The following HORMAD1 variants were observed in gnomAD, a reference collection of about 807,000 sequenced individuals.
The protein encoded by HORMAD1 is HORMA domain containing 1, also known as HORMA domain-containing protein 1.
A neutral mutation model predicts 58.2 loss-of-function variants in HORMAD1; 33 were observed. The observed-to-expected ratio is 0.57, with a 90% CI of 0.43 to 0.76. HORMAD1 has a LOEUF of 0.76. Among genes scored for constraint, HORMAD1 ranks in the 30% least tolerant of loss-of-function variants. The pLI is 0.00. For missense variants in HORMAD1, 363 were observed against 462.0 expected (o/e 0.79, Z 1.96); for synonymous variants, 137 against 144.6 (o/e 0.95, Z 0.38).
intron 13 of HORMAD1, among the ~76,000 whole-genome samples, chr1:150,702,913 A>G (rs1030088163): frequency 6.6e-6 from 1 of 152,204 alleles, no homozygotes; most frequent in Non-Finnish European, 1.5e-5. Flanking sequence ...ATGAAATTTA[A>G]AAAGAAAAAA....
At chr1:150,711,765 G>A in intron 6 of HORMAD1, 68 bp downstream of exon 6, 1 of 1,074,258 alleles carries the variant, frequency 9.3e-7, no homozygotes, top group Non-Finnish European at 1.4e-6. Flanking sequence ...TAGTTTTAGT[G>A]TCATTTAATT....
intron 1 of HORMAD1, 76 bp from the exon 2 acceptor site, chr1:150,719,614 T>G (rs1448458990): frequency 6.0e-5 from 39 of 646,452 alleles, no homozygotes; most frequent in Middle Eastern, 2.7e-4. Context: ...CATATAAAAT[T>G]CAAAACAATT....
At chr1:150,706,146 G>C (rs966635041) in intron 10 of HORMAD1, among the ~76,000 whole-genome samples, 1 of 152,150 alleles carries the variant, frequency 6.6e-6, no homozygotes, top group African/African-American at 2.4e-5. Context: ...AGGCCCTAGA[G>C]AAATTCAAGC....
At chr1:150,711,906 TC>T in intron 5 of HORMAD1, 53 bp from the exon 6 acceptor site, 1 of 1,141,988 alleles carries the variant, frequency 8.8e-7, no homozygotes, top group Non-Finnish European at 1.3e-6. Flanking sequence ...AAATAATTTT[TC>T]ATTACGAATC....
In HORMAD1 at chr1:150,711,937, T is replaced by C. The variant is rs115591578; in HGVS notation, c.280-84A>G. 6.3e-4 allele frequency: 568 copies of C among 905,218 alleles called. 7 individuals are homozygous for C. The African/African-American group carries it at 8.8e-3, about 14-fold the overall frequency. The allele number at this position is 905,218 out of a possible 1,614,324, so 56.1% of individuals were successfully genotyped here. ...CGAATCATAAGAATTCTTTGTCCTATTTCAACATGTATTCCTAATAACAAA... is the reference window on the plus strand; with the variant it reads ...CGAATCATAAGAATTCTTTGTCCTACTTCAACATGTATTCCTAATAACAAA... On this transcript the variant is annotated intron_variant, in intron 5 of 14. Coordinates refer to ENST00000361824, the MANE Select transcript of HORMAD1 (RefSeq NM_032132.5).
intron 7 of HORMAD1, among the ~76,000 whole-genome samples, chr1:150,709,888 G>A (rs887539164): frequency 2.5e-3 from 381 of 152,148 alleles, no homozygotes; most frequent in South Asian, 8.3e-3. Context: ...TCTGGCTTAC[G>A]TGTACGTCCA....
rs772739050 is a variant in HORMAD1, at chr1:150,708,902, G to A, written c.387C>T (p.Asp129=). 6.9e-7 allele frequency: 1 copy of A among 1,457,488 alleles called. No individual in the cohort carries two copies. The highest frequency in any genetic ancestry group is 2.3e-5 in the East Asian group (1 of 44,074). 90.3% of individuals were successfully genotyped at this position (1,457,488 alleles called of 1,614,324 possible). Residue 129 remains aspartate, a synonymous_variant, in exon 8 of 15, where the codon GAC becomes GAT. Coordinates refer to ENST00000361824, the MANE Select transcript of HORMAD1 (RefSeq NM_032132.5). ...FKYTNNGPLM[D]FISKNQSNES... ...AAACTATAGAACAATACCTTATGAA[G>A]TCCATGAGTGGTCCATTATTGGTGT...
At chr1:150,717,976 C>A (rs996008325) in intron 2 of HORMAD1, among the ~76,000 whole-genome samples, 1 of 152,100 alleles carries the variant, frequency 6.6e-6, no homozygotes, top group African/African-American at 2.4e-5. Context: ...TTATATAATT[C>A]TTCAGATTAT....
At chr1:150,709,960 C>T (rs1191727437) in intron 7 of HORMAD1, among the ~76,000 whole-genome samples, 3 of 152,174 alleles carry the variant, frequency 2.0e-5, no homozygotes, top group African/African-American at 7.2e-5. Context: ...ATGTTTGTTG[C>T]TGACCTTCTC....
In HORMAD1 at chr1:150,708,308, C is replaced by T. The variant is rs751489931; in HGVS notation, c.495G>A (p.Gly165=). 6.2e-7 allele frequency: 1 copy of T among 1,608,128 alleles called. No individual in the cohort carries two copies. The highest frequency in any genetic ancestry group is 1.7e-5 in the Admixed American group (1 of 59,292). ...TCAAACAAACATCATTAGGTAAAGG[C>T]CCCAGATTTTGCATTAGGATATAAA... ...RKIYILMQNL[G]PLPNDVCLTM... is the part of the protein sequence containing the mutation. The change falls in exon 9 of 15, where the codon GGG becomes GGA. Residue 165 remains glycine (G), a synonymous_variant. Coordinates refer to ENST00000361824, the MANE Select transcript of HORMAD1 (RefSeq NM_032132.5).
intron 13 of HORMAD1, among the ~76,000 whole-genome samples, chr1:150,701,399 G>C (rs1651533200): frequency 6.6e-6 from 1 of 152,106 alleles, no homozygotes; most frequent in Non-Finnish European, 1.5e-5. Context: ...TTGAGAATAG[G>C]GGTGGGGGAA....
chr1:150,718,624 A>G (rs1364312706), intron 2 of HORMAD1, among the ~76,000 whole-genome samples: 1 of 151,970 alleles, frequency 6.6e-6, no homozygotes, highest in Non-Finnish European at 1.5e-5. Flanking sequence ...TCGGTTACAA[A>G]CATTCATTTT....
At chr1:150,708,547 T>G in intron 8 of HORMAD1, 140 bp from the exon 9 acceptor site, 1 of 519,328 alleles carries the variant, frequency 1.9e-6, no homozygotes, top group Non-Finnish European at 3.3e-6. Context: ...TGTTTTAATG[T>G]CACTATTATA....
Position 150,717,219 on chromosome 1 carries a change from G to C in HORMAD1, c.97C>G (p.Leu33Val), listed in dbSNP as rs1191166241. Residue 33 changes from leucine (L) to valine (V), a missense_variant, in exon 3 of 15, where the codon CTT (leucine) becomes GTT (valine). Transcript: ENST00000361824. Reference sequence around the variant, plus strand: ...ATACAGGATACTGAAACTGCTAGAAGCCTCTTCACTAACACCAAAGACTGG... The same window carrying C: ...ATACAGGATACTGAAACTGCTAGAACCCTCTTCACTAACACCAAAGACTGG... The part of the protein sequence containing the change: ...EHQSLVLVKR[L>V]LAVSVSCITY... The C allele has an allele frequency of 6.3e-7, 1 of 1,595,796 alleles. No homozygotes were observed. The highest frequency in any genetic ancestry group is 1.7e-5 in the Admixed American group (1 of 59,028).
chr1:150,711,591 A>C lies in HORMAD1; in HGVS notation c.301-20T>G. On this transcript the variant is annotated intron_variant, in intron 6 of 14. Coordinates refer to ENST00000361824, the MANE Select transcript of HORMAD1 (RefSeq NM_032132.5). ...GTATACCTATTTAAAAACAATTTAC[A>C]ATTGAGTTATCTAAGGCTAAGTATT... 1.9e-6 allele frequency: 3 copies of C among 1,580,026 alleles called. No individual in the cohort carries two copies. Among genetic ancestry groups the C allele is most frequent in the East Asian group, 2.2e-5 (1 of 44,570 alleles).
At chr1:150,717,338 C>T (rs887479761) in intron 2 of HORMAD1, 56 bp from the exon 3 acceptor site, 1 of 1,172,624 alleles carries the variant, frequency 8.5e-7, no homozygotes, top group Non-Finnish European at 1.2e-6. Flanking sequence ...AATAAAGTTT[C>T]TCTTGACTTA....
chr1:150,704,904 G>A (rs977518137), intron 10 of HORMAD1, among the ~76,000 whole-genome samples: 38 of 151,958 alleles, frequency 2.5e-4, no homozygotes, highest in African/African-American at 8.2e-4. Flanking sequence ...TTAGCCCGGC[G>A]TGGTGGCACA....
intron 1 of HORMAD1, among the ~76,000 whole-genome samples, chr1:150,720,563 TAGA>T (rs1321825304): frequency 1.3e-5 from 2 of 152,162 alleles, no homozygotes; most frequent in Non-Finnish European, 2.9e-5. Flanking sequence ...GCAAACTTCA[TAGA>T]AGAACCTATT....
Position 150,711,721 on chromosome 1 carries a change from T to A in HORMAD1, c.300+112A>T, listed in dbSNP as rs1651911346. The A allele has an allele frequency of 4.3e-6, 4 of 938,678 alleles. No individual in the cohort carries two copies. The South Asian group carries it at 5.6e-5, about 13-fold the overall frequency. The allele number at this position is 938,678 out of a possible 1,614,324, so 58.1% of individuals were successfully genotyped here. Reference sequence around the variant, plus strand: ...TTACTTTTTCATTCCATTGAATAGATCAGTTATTTGAATAATGTGACATAA... The same window carrying A: ...TTACTTTTTCATTCCATTGAATAGAACAGTTATTTGAATAATGTGACATAA... On this transcript the variant is annotated intron_variant, in intron 6 of 14. Coordinates refer to ENST00000361824, the MANE Select transcript of HORMAD1 (RefSeq NM_032132.5).
Sources: allele counts gnomAD v4.1 joint callset (sites outside exome capture counted in the v4.1 genomes callset), GRCh38; gene constraint gnomAD v4.1.1; transcripts MANE v1.5; gene names NCBI Gene and HGNC (gene_info 2026-07-23, HGNC 2026-07-21).